Variants in FRMPD1 observed in about 807,000 individuals in gnomAD.
FRMPD1 encodes the protein FERM and PDZ domain containing 1.
In FRMPD1, 76 loss-of-function variants were observed where a neutral mutation model predicts 117.8. That is an observed-to-expected ratio of 0.65 (90% CI 0.54 to 0.78). The LOEUF is 0.78. Ranked by LOEUF, FRMPD1 falls within the 30% of genes least tolerant of loss-of-function variation. FRMPD1 has a pLI of 0.00. For synonymous variants in FRMPD1, 783 were observed against 770.4 expected, an observed-to-expected ratio of 1.02 and a Z score of -0.27; for missense variants, 1,786 against 1,964.5, an observed-to-expected ratio of 0.91 and a Z score of 1.72.
chr9:37,650,605 T>G (rs1223938966), upstream of FRMPD1, among the ~76,000 whole-genome samples: 1 of 152,190 alleles, frequency 6.6e-6, no homozygotes, highest in Non-Finnish European at 1.5e-5. Flanking sequence ...TGGGAACTCT[T>G]CTGGGTTCCA....
At chr9:37,653,240 G>T (rs1445095171) in intron 1 of FRMPD1, among the ~76,000 whole-genome samples, 1 of 152,202 alleles carries the variant, frequency 6.6e-6, no homozygotes, top group Non-Finnish European at 1.5e-5. Flanking sequence ...AAGATTAAAT[G>T]AGATCATGTA....
At chr9:37,742,154 T>C (rs1473578497) in intron 15 of FRMPD1, among the ~76,000 whole-genome samples, 2 of 147,724 alleles carry the variant, frequency 1.4e-5, no homozygotes, top group Non-Finnish European at 3.0e-5. Flanking sequence ...ATGAATGAAG[T>C]CTCCACCATC....
At chr9:37,609,607 C>G in the FRMPD1 span, among the ~76,000 whole-genome samples, 1 of 152,312 alleles carries the variant, frequency 6.6e-6, no homozygotes, top group African/African-American at 2.4e-5. Context: ...CTCTTTCACC[C>G]GGATGATTGC....
At chr9:37,621,649 A>C in the FRMPD1 span, among the ~76,000 whole-genome samples, 3,388 of 152,308 alleles carry the variant, frequency 0.022, 105 homozygotes, top group African/African-American at 0.071. Flanking sequence ...GCTGTGGAAC[A>C]AGGAGGAGTA....
the FRMPD1 span, among the ~76,000 whole-genome samples, chr9:37,629,522 A>C: frequency 6.6e-6 from 1 of 152,184 alleles, no homozygotes; most frequent in African/African-American, 2.4e-5. Context: ...TAGGCACGCC[A>C]ATTGCATGCT....
chr9:37,645,220 A>C, the FRMPD1 span, among the ~76,000 whole-genome samples: 1 of 152,244 alleles, frequency 6.6e-6, no homozygotes, highest in Non-Finnish European at 1.5e-5. Flanking sequence ...AAGATTTATC[A>C]CTTAAGGAAT....
At chr9:37,652,719 C>G (rs1466092286) in intron 1 of FRMPD1, among the ~76,000 whole-genome samples, 2 of 152,208 alleles carry the variant, frequency 1.3e-5, no homozygotes, top group Non-Finnish European at 2.9e-5. Flanking sequence ...CCTCTTCATT[C>G]TCTATTGGTT....
intron 2 of FRMPD1, among the ~76,000 whole-genome samples, chr9:37,694,815 T>A (rs1490698687): frequency 6.6e-6 from 1 of 152,206 alleles, no homozygotes; most frequent in Non-Finnish European, 1.5e-5. Flanking sequence ...TTACTTACCA[T>A]AATGTGTTCT....
chr9:37,614,724 G>T, the FRMPD1 span, among the ~76,000 whole-genome samples: 1 of 152,208 alleles, frequency 6.6e-6, no homozygotes, highest in African/African-American at 2.4e-5. Context: ...ATTGCTGAAG[G>T]TTTCAAATGT....
chr9:37,665,900 AG>A (rs1821145006), intron 1 of FRMPD1, among the ~76,000 whole-genome samples: 2 of 152,296 alleles, frequency 1.3e-5, no homozygotes, highest in East Asian at 3.9e-4. Flanking sequence ...AGGTTTATTT[AG>A]GGGTCAATCT....
chr9:37,720,248 T>A (rs1169572228), intron 6 of FRMPD1, among the ~76,000 whole-genome samples: 1 of 152,226 alleles, frequency 6.6e-6, no homozygotes, highest in Non-Finnish European at 1.5e-5. Flanking sequence ...AATATTTGAG[T>A]CATGTTTGTG....
intron 1 of FRMPD1, among the ~76,000 whole-genome samples, chr9:37,662,660 C>T (rs2119390363): frequency 6.6e-6 from 1 of 152,254 alleles, no homozygotes; most frequent in South Asian, 2.1e-4. Context: ...ACCAGGTCTT[C>T]CCAGGTGGCA....
chr9:37,631,595 A>T, the FRMPD1 span, among the ~76,000 whole-genome samples: 1 of 152,158 alleles, frequency 6.6e-6, no homozygotes, highest in African/African-American at 2.4e-5. Flanking sequence ...CACAAATTCC[A>T]TATTTCTTTC....
At chr9:37,697,447 G>C (rs1822362721) in intron 2 of FRMPD1, among the ~76,000 whole-genome samples, 1 of 151,508 alleles carries the variant, frequency 6.6e-6, no homozygotes, top group African/African-American at 2.4e-5. Context: ...GGCGCCTGTA[G>C]TCCCAGCTAC....
At position 37,744,907 on chromosome 9, in the gene FRMPD1, G is replaced by A. The variant is rs1467342770; in HGVS notation, c.2875G>A (p.Val959Ile). The A allele has an allele frequency of 4.3e-6, 7 of 1,614,072 alleles. No homozygotes were observed. The highest frequency in any genetic ancestry group is 5.9e-6 in the Non-Finnish European group (7 of 1,180,048). ...DPNNKENSGV[V>I]PAASSSASTP... ...CAACAATAAAGAGAATTCTGGTGTT[G>A]TCCCTGCTGCCAGCTCCTCAGCAAG... The change falls in exon 16 of 16, where the codon GTC (valine) becomes ATC (isoleucine). Residue 959 changes from valine (V) to isoleucine (I), a missense_variant. Val to Ile is a conservative substitution (Grantham distance 29). Transcript: ENST00000377765.
chr9:37,738,144 C>T (rs1276764659), intron 14 of FRMPD1, among the ~76,000 whole-genome samples: 7 of 152,176 alleles, frequency 4.6e-5, no homozygotes, highest in South Asian at 4.1e-4. Flanking sequence ...AACATTCTCA[C>T]GATGGGTAAT....
intron 1 of FRMPD1, among the ~76,000 whole-genome samples, chr9:37,684,739 T>C (rs918724828): frequency 1.3e-5 from 2 of 151,730 alleles, no homozygotes; most frequent in African/African-American, 4.8e-5. Context: ...AGGGAAAGAG[T>C]CAGTCATGAT....
At chr9:37,642,400 C>T in the FRMPD1 span, among the ~76,000 whole-genome samples, 15 of 151,780 alleles carry the variant, frequency 9.9e-5, no homozygotes, top group Non-Finnish European at 2.2e-4. Context: ...CAATAGCTGA[C>T]TTGGACTTAT....
At chr9:37,743,404 T>G (rs1824513880) in intron 15 of FRMPD1, among the ~76,000 whole-genome samples, 1 of 151,992 alleles carries the variant, frequency 6.6e-6, no homozygotes. Flanking sequence ...GTTTATAGAA[T>G]TGCTGGCAAG....
Sources: gnomAD v4.1 joint callset for allele counts (sites outside exome capture counted in the v4.1 genomes callset) on GRCh38, gnomAD v4.1.1 for gene constraint, MANE v1.5 for transcripts, NCBI Gene and HGNC (gene_info 2026-07-23, HGNC 2026-07-21) for gene names.